The following NEDD4L variants were observed in gnomAD, a reference collection of about 807,000 sequenced individuals.
The protein encoded by NEDD4L is NEDD4 like E3 ubiquitin protein ligase.
In NEDD4L, 54 loss-of-function variants were observed where a neutral mutation model predicts 148.9. That is an observed-to-expected ratio of 0.36 (90% CI 0.29 to 0.45). NEDD4L has a LOEUF of 0.45. NEDD4L is among the 20% of genes least tolerant of loss of function. The pLI is 1.00. For synonymous variants in NEDD4L, 433 were observed against 440.7 expected (o/e 0.98, Z 0.22); for missense variants, 856 against 1,233.8 (o/e 0.69, Z 4.59).
At chr18:58,060,910 C>T (rs1379141483) in intron 1 of NEDD4L, among the ~76,000 whole-genome samples, 2 of 152,164 alleles carry the variant, frequency 1.3e-5, no homozygotes, top group Admixed American at 1.3e-4. Context: ...AGGTGCCTGC[C>T]ACCACACCCA....
intron 2 of NEDD4L, chr18:58,190,004 A>G (rs2039928969): frequency 6.6e-6 from 1 of 152,258 alleles, no homozygotes; most frequent in Non-Finnish European, 1.5e-5. Flanking sequence ...CAAGTATTCC[A>G]AATCGTTTTT....
chr18:58,394,121 C>G (rs1253493518), intron 30 of NEDD4L, among the ~76,000 whole-genome samples: 2 of 152,196 alleles, frequency 1.3e-5, no homozygotes, highest in African/African-American at 2.4e-5. Flanking sequence ...CAGAGCAAAG[C>G]CAGGTCCGTG....
chr18:58,274,986 T>A (rs2051653976), intron 5 of NEDD4L, among the ~76,000 whole-genome samples: 1 of 152,196 alleles, frequency 6.6e-6, no homozygotes, highest in South Asian at 2.1e-4. Flanking sequence ...GCAGTATCAG[T>A]TGTAAATCAT....
chr18:58,210,112 G>A (rs2147690761), intron 2 of NEDD4L, among the ~76,000 whole-genome samples: 1 of 152,262 alleles, frequency 6.6e-6, no homozygotes, highest in East Asian at 1.9e-4. Flanking sequence ...GTTGCGGTGA[G>A]CCAAGAGCAC....
intron 15 of NEDD4L, among the ~76,000 whole-genome samples, chr18:58,342,088 G>T (rs1031444909): frequency 6.6e-6 from 1 of 152,180 alleles, no homozygotes; most frequent in Non-Finnish European, 1.5e-5. Context: ...GTTGTGTTTC[G>T]CTTCTTTTTG....
At chr18:58,127,413 T>C (rs1239693465) in intron 1 of NEDD4L, among the ~76,000 whole-genome samples, 2 of 152,168 alleles carry the variant, frequency 1.3e-5, no homozygotes, top group Non-Finnish European at 2.9e-5. Context: ...ATGATTCATT[T>C]ATTCATTTCA....
At chr18:58,238,018 G>A (rs1332712470) in intron 2 of NEDD4L, among the ~76,000 whole-genome samples, 1 of 152,202 alleles carries the variant, frequency 6.6e-6, no homozygotes, top group Non-Finnish European at 1.5e-5. Flanking sequence ...GTGTTCTTCG[G>A]CAGCTTCAGA....
At chr18:58,069,075 G>T (rs920385264) in intron 1 of NEDD4L, among the ~76,000 whole-genome samples, 7 of 147,884 alleles carry the variant, frequency 4.7e-5, no homozygotes, top group Admixed American at 3.5e-4. Flanking sequence ...GGTGGAGGTT[G>T]CAGTGAGCCA....
intron 2 of NEDD4L, among the ~76,000 whole-genome samples, chr18:58,230,769 A>G (rs983308336): frequency 3.9e-5 from 6 of 152,186 alleles, no homozygotes; most frequent in Non-Finnish European, 5.9e-5. Flanking sequence ...TTTTCCAAAC[A>G]TGTAACCCTG....
chr18:58,132,256 T>C, intron 1 of NEDD4L, among the ~76,000 whole-genome samples: 1 of 151,914 alleles, frequency 6.6e-6, no homozygotes, highest in East Asian at 1.9e-4. Context: ...TGGTGGTGGT[T>C]TTTTGCCACC....
intron 1 of NEDD4L, among the ~76,000 whole-genome samples, chr18:58,083,694 CA>C (rs141857671): frequency 2.7e-5 from 4 of 150,680 alleles, no homozygotes; most frequent in Non-Finnish European, 5.9e-5. Context: ...TCTCAAAAAA[CA>C]AAAAAAACAA....
At position 58,397,449 on chromosome 18, in the gene NEDD4L, C is replaced by G. The variant is rs1172310728; in HGVS notation, c.*1180C>G. The G allele has an allele frequency of 6.6e-6, 1 of 152,320 alleles. No individual in the cohort carries two copies. The highest frequency in any genetic ancestry group is 1.5e-5 in the Non-Finnish European group (1 of 68,040). The allele number at this position is 152,320 out of a possible 1,614,324, so 9.4% of individuals were successfully genotyped here. On this transcript the variant is annotated 3_prime_UTR_variant, in exon 31 of 31. Transcript: ENST00000400345. ...TATCTATCAATTGTGAATCTGGCTG[C>G]TGGTGTATAAAAACCTGGATGTAAA...
chr18:58,127,929 C>T (rs146818650), intron 1 of NEDD4L, among the ~76,000 whole-genome samples: 24 of 152,190 alleles, frequency 1.6e-4, no homozygotes, highest in Admixed American at 1.2e-3. Flanking sequence ...GAGGCTGGCA[C>T]GATCTTGGCT....
chr18:58,351,459 T>TA (rs1434925479), intron 18 of NEDD4L, among the ~76,000 whole-genome samples: 2 of 152,258 alleles, frequency 1.3e-5, no homozygotes, highest in Non-Finnish European at 2.9e-5. Context: ...TCAAGGGTCC[T>TA]ATGGCAGGAT....
intron 1 of NEDD4L, among the ~76,000 whole-genome samples, chr18:58,101,581 T>C (rs2084755376): frequency 6.6e-6 from 1 of 152,254 alleles, no homozygotes; most frequent in African/African-American, 2.4e-5. Context: ...TGTTGCTCAT[T>C]GCACTGGGCC....
At chr18:58,229,646 T>A (rs893473222) in intron 2 of NEDD4L, among the ~76,000 whole-genome samples, 3 of 152,226 alleles carry the variant, frequency 2.0e-5, no homozygotes, top group African/African-American at 4.8e-5. Context: ...AATAGTTTAT[T>A]TTGTATGTGA....
At chr18:58,065,083 T>G (rs9956206) in intron 1 of NEDD4L, among the ~76,000 whole-genome samples, 78,571 of 152,114 alleles carry the variant, frequency 0.52, 22,727 homozygotes, top group East Asian at 0.86. Context: ...CCCCAATACC[T>G]TATCTATATT....
chr18:58,377,297 CCAAA>C (rs1382262106), intron 24 of NEDD4L, among the ~76,000 whole-genome samples: 2 of 152,212 alleles, frequency 1.3e-5, no homozygotes, highest in Non-Finnish European at 2.9e-5. Context: ...CTCCCCAATG[CCAAA>C]CAGTCAAGTC....
At chr18:58,394,747 A>G (rs555836463) in intron 30 of NEDD4L, among the ~76,000 whole-genome samples, 28 of 152,330 alleles carry the variant, frequency 1.8e-4, no homozygotes, top group African/African-American at 5.8e-4. Context: ...TGGTTGTTAA[A>G]CGGCCCTCTA....
Sources: gnomAD v4.1 joint callset for allele counts (sites outside exome capture counted in the v4.1 genomes callset) on GRCh38, gnomAD v4.1.1 for gene constraint, MANE v1.5 for transcripts, NCBI Gene and HGNC (gene_info 2026-07-23, HGNC 2026-07-21) for gene names.